PPP1R12B: variants seen among roughly 807,000 people sequenced by gnomAD.
PPP1R12B encodes the protein myosin phosphatase target subunit 2.
A neutral mutation model predicts 126.1 loss-of-function variants in PPP1R12B; 76 were observed. The observed-to-expected ratio is 0.60, with a 90% CI of 0.50 to 0.73. PPP1R12B has a LOEUF of 0.73. Among genes scored for constraint, PPP1R12B ranks in the 30% least tolerant of loss-of-function variants. PPP1R12B has a pLI of 0.00. For synonymous variants in PPP1R12B, 356 were observed against 434.7 expected, an observed-to-expected ratio of 0.82 and a Z score of 2.25; for missense variants, 1,052 against 1,205.1, an observed-to-expected ratio of 0.87 and a Z score of 1.88.
At chr1:202,543,538 G>A (rs1226912916) in intron 18 of PPP1R12B, among the ~76,000 whole-genome samples, 1 of 152,098 alleles carries the variant, frequency 6.6e-6, no homozygotes, top group Non-Finnish European at 1.5e-5. Context: ...TCAGGAGTTC[G>A]AGACCAGCCT....
chr1:202,435,258 C>A (rs1332685409), intron 9 of PPP1R12B, among the ~76,000 whole-genome samples: 1 of 152,088 alleles, frequency 6.6e-6, no homozygotes, highest in Non-Finnish European at 1.5e-5. Flanking sequence ...TAACATTGCC[C>A]CCCAAAATCT....
intron 1 of PPP1R12B, among the ~76,000 whole-genome samples, chr1:202,404,604 G>A (rs561454818): frequency 6.6e-6 from 1 of 152,002 alleles, no homozygotes; most frequent in African/African-American, 2.4e-5. Context: ...GCTTCAAGCG[G>A]TTCTCCTGCC....
At chr1:202,541,814 C>T (rs1685159241) in intron 18 of PPP1R12B, among the ~76,000 whole-genome samples, 1 of 152,164 alleles carries the variant, frequency 6.6e-6, no homozygotes, top group South Asian at 2.1e-4. Context: ...TGCCATCCAA[C>T]CTCCCTACCC....
chr1:202,464,541 G>A (rs1674740092), intron 13 of PPP1R12B, among the ~76,000 whole-genome samples: 1 of 152,042 alleles, frequency 6.6e-6, no homozygotes, highest in African/African-American at 2.4e-5. Flanking sequence ...TTTCACCCTG[G>A]CACTTCTTCA....
intron 13 of PPP1R12B, among the ~76,000 whole-genome samples, chr1:202,465,642 A>T (rs907283789): frequency 2.0e-5 from 3 of 152,206 alleles, no homozygotes; most frequent in African/African-American, 4.8e-5. Flanking sequence ...AAGTATTTTT[A>T]AAAATGGAAT....
At chr1:202,485,766 C>A (rs900949087) in intron 13 of PPP1R12B, among the ~76,000 whole-genome samples, 1 of 152,114 alleles carries the variant, frequency 6.6e-6, no homozygotes, top group African/African-American at 2.4e-5. Context: ...ATTGAAATAT[C>A]GTTGTTTATT....
intron 9 of PPP1R12B, 128 bp from the exon 10 acceptor site, chr1:202,437,693 T>C: frequency 1.3e-6 from 1 of 784,140 alleles, no homozygotes; most frequent in Non-Finnish European, 2.0e-6. Context: ...AAGACTGCCA[T>C]GTATTTGTTC....
chr1:202,573,767 C>T (rs1688839364), intron 23 of PPP1R12B, among the ~76,000 whole-genome samples: 1 of 152,110 alleles, frequency 6.6e-6, no homozygotes, highest in African/African-American at 2.4e-5. Flanking sequence ...TTATTCTGTT[C>T]CGCTTGCAAC....
chr1:202,496,620 A>G (rs1679583992), intron 17 of PPP1R12B, among the ~76,000 whole-genome samples, 161 bp from the exon 18 acceptor site: 1 of 152,180 alleles, frequency 6.6e-6, no homozygotes, highest in Non-Finnish European at 1.5e-5. Flanking sequence ...CCTGCCTGTG[A>G]TGGCTGTGAA....
At chr1:202,464,123 G>A (rs1289214389) in intron 13 of PPP1R12B, among the ~76,000 whole-genome samples, 1 of 152,088 alleles carries the variant, frequency 6.6e-6, no homozygotes, top group Non-Finnish European at 1.5e-5. Context: ...TGAGCCCCAG[G>A]CTAAAACTAG....
intron 18 of PPP1R12B, among the ~76,000 whole-genome samples, chr1:202,498,918 C>T (rs1435061929): frequency 6.6e-6 from 1 of 152,156 alleles, no homozygotes; most frequent in African/African-American, 2.4e-5. Flanking sequence ...ATGCTGGCTT[C>T]CTTCTCTTAC....
At chr1:202,557,365 G>A (rs1234171992) in intron 18 of PPP1R12B, among the ~76,000 whole-genome samples, 1 of 152,096 alleles carries the variant, frequency 6.6e-6, no homozygotes, top group Non-Finnish European at 1.5e-5. Context: ...AAAACTTAAG[G>A]TAAAGTTGAG....
At chr1:202,395,658 A>G (rs1664871030) in intron 1 of PPP1R12B, among the ~76,000 whole-genome samples, 1 of 152,236 alleles carries the variant, frequency 6.6e-6, no homozygotes, top group Non-Finnish European at 1.5e-5. Context: ...AATCACTGCT[A>G]TTATAACCAG....
chr1:202,506,055 C>T (rs1680766981), intron 18 of PPP1R12B, among the ~76,000 whole-genome samples: 1 of 152,136 alleles, frequency 6.6e-6, no homozygotes, highest in Non-Finnish European at 1.5e-5. Flanking sequence ...AGCAAGCTGT[C>T]CTGGATTTCT....
chr1:202,540,950 C>G (rs1199070982), intron 18 of PPP1R12B, among the ~76,000 whole-genome samples: 1 of 152,188 alleles, frequency 6.6e-6, no homozygotes, highest in Admixed American at 6.6e-5. Context: ...TCCATTTTCT[C>G]TAATGAATGT....
intron 3 of PPP1R12B, 51 bp downstream of exon 3, chr1:202,422,789 T>G: frequency 6.2e-6 from 10 of 1,610,134 alleles, no homozygotes; most frequent in Non-Finnish European, 8.5e-6. Context: ...ACACTGCCAT[T>G]TACAGAAAAT....
At chr1:202,436,849 GT>G (rs996943395) in intron 9 of PPP1R12B, among the ~76,000 whole-genome samples, 11 of 147,136 alleles carry the variant, frequency 7.5e-5, no homozygotes, top group African/African-American at 1.5e-4. Flanking sequence ...TTGACCTCTA[GT>G]TTTTTTTTTG....
At chr1:202,362,838 A>G (rs141038265) in intron 1 of PPP1R12B, among the ~76,000 whole-genome samples, 1 of 151,932 alleles carries the variant, frequency 6.6e-6, no homozygotes, top group Non-Finnish European at 1.5e-5. Flanking sequence ...TTATTTATTT[A>G]TTTATTTATG....
chr1:202,449,010 C>T lies in PPP1R12B; in HGVS notation c.1689C>T (p.Ala563=), dbSNP rs35091771. The change falls in exon 13 of 24, where the codon GCC becomes GCT. Residue 563 remains alanine, a synonymous_variant. Coordinates refer to ENST00000608999, the MANE Select transcript of PPP1R12B (RefSeq NM_002481.4). ...YLKRTPHKSQ[A]DTTAEKTADN... ...TCAGGACTCCTCACAAATCCCAGGCCGACACAACAGCAGAGAAAACAGCAG... is the reference window on the plus strand; with the variant it reads ...TCAGGACTCCTCACAAATCCCAGGCTGACACAACAGCAGAGAAAACAGCAG... The T allele has an allele frequency of 1.0e-4, 162 of 1,613,688 alleles. No individual in the cohort carries two copies. The highest frequency in any genetic ancestry group is 4.9e-4 in the Middle Eastern group (3 of 6,078).
Sources: gnomAD v4.1 joint callset for allele counts (sites outside exome capture counted in the v4.1 genomes callset) on GRCh38, gnomAD v4.1.1 for gene constraint, MANE v1.5 for transcripts, NCBI Gene and HGNC (gene_info 2026-07-23, HGNC 2026-07-21) for gene names.